The following PFKFB1 variants were observed in gnomAD, a reference collection of about 807,000 sequenced individuals.
The protein encoded by PFKFB1 is 6-phosphofructo-2-kinase/fructose-2,6-bisphosphatase 1.
In PFKFB1, 34 loss-of-function variants were observed where a neutral mutation model predicts 46.4. That is an observed-to-expected ratio of 0.73 (90% confidence interval 0.56 to 0.98). The LOEUF is 0.98. Among genes scored for constraint, PFKFB1 ranks in the 50% least tolerant of loss-of-function variants. The pLI is 0.00. For missense variants in PFKFB1, 393 were observed against 376.3 expected (o/e 1.04, Z -0.37); for synonymous variants, 119 against 133.8 (o/e 0.89, Z 0.76).
intron 2 of PFKFB1, 119 bp downstream of exon 2, chrX:54,963,138 T>A: frequency 1.6e-6 from 1 of 635,817 alleles, no homozygotes. Flanking sequence ...GTAGTCCTAA[T>A]GCTGGTAATA....
chrX:54,976,785 A>C (rs1331020816), intron 1 of PFKFB1, among the ~76,000 whole-genome samples: 2 of 111,704 alleles, frequency 1.8e-5, no homozygotes, highest in East Asian at 5.6e-4. Flanking sequence ...TGGTACAATC[A>C]TAAACTAGAA....
At chrX:54,985,156 G>A (rs966598059) in intron 1 of PFKFB1, among the ~76,000 whole-genome samples, 1 of 110,950 alleles carries the variant, frequency 9.0e-6, no homozygotes, top group Non-Finnish European at 1.9e-5. Context: ...AGCAACATAG[G>A]CCAGCTTGTT....
upstream of PFKFB1, chrX:54,994,833 T>A: frequency 1.3e-6 from 1 of 753,336 alleles, no homozygotes; most frequent in Non-Finnish European, 1.6e-6. Flanking sequence ...GCTAAATAAA[T>A]AGGAGTAAAC....
At chrX:54,949,488 T>C (rs1403988908) in intron 8 of PFKFB1, among the ~76,000 whole-genome samples, 3 of 109,771 alleles carry the variant, frequency 2.7e-5, no homozygotes. Context: ...CCGAAGCCCC[T>C]ACTTGGTTAT....
rs187452524 is a variant in PFKFB1, at chrX:54,969,168, C to G, written c.98-5786G>C. Among the ~76,000 whole-genome samples the G allele has an allele frequency of 5.4e-5, 6 of 111,236 alleles. No homozygotes were observed. The East Asian group carries it at 1.7e-3, about 32-fold the overall frequency. The stretch of plus-strand genomic sequence containing the variant: ...ATGTGTTGGAACTTAATCTCCAATG[C>G]AACAGTATTGAGAGGTGGGACCTTT... On this transcript the variant is annotated intron_variant, in intron 1 of 13. Coordinates refer to ENST00000375006, the MANE Select transcript of PFKFB1 (RefSeq NM_002625.4).
intron 1 of PFKFB1, among the ~76,000 whole-genome samples, chrX:54,965,090 G>A (rs1569547009): frequency 8.9e-6 from 1 of 111,807 alleles, no homozygotes; most frequent in East Asian, 2.8e-4. Flanking sequence ...TAGAACACAA[G>A]AAGGGGAAGA....
At chrX:54,937,938 G>C (rs1249297099) in intron 10 of PFKFB1, among the ~76,000 whole-genome samples, 1 of 111,939 alleles carries the variant, frequency 8.9e-6, no homozygotes, top group Non-Finnish European at 1.9e-5. Flanking sequence ...CCAAATAAAT[G>C]TATCAATACA....
chrX:54,945,698 A>G (rs1037890101), intron 9 of PFKFB1, among the ~76,000 whole-genome samples, 155 bp from the exon 10 acceptor site: 54 of 104,154 alleles, frequency 5.2e-4, no homozygotes, highest in African/African-American at 1.9e-3. Flanking sequence ...ATAAGTGTGT[A>G]TGCGTGTGTG....
At chrX:54,958,423 T>C (rs1348304054) in intron 5 of PFKFB1, 61 bp from the exon 6 acceptor site, 22 of 705,856 alleles carry the variant, frequency 3.1e-5, no homozygotes, top group Non-Finnish European at 4.3e-5. Flanking sequence ...GAGCTGAACA[T>C]AGCTTTACTC....
At chrX:54,973,748 C>G (rs1934754248) in intron 1 of PFKFB1, among the ~76,000 whole-genome samples, 1 of 110,929 alleles carries the variant, frequency 9.0e-6, no homozygotes, top group Non-Finnish European at 1.9e-5. Context: ...CCGAGGACAG[C>G]TTTACTTCCA....
rs756283124 is a variant in PFKFB1 at position 54,945,421 on chromosome X, C to A, written c.1098+18G>T. ...CTGGGGAGTAGTCCTAGGCATTAGG[C>A]CACCCCGCAAACCTTACCTCTCCCT... On this transcript the variant is annotated intron_variant, in intron 10 of 13. Coordinates refer to ENST00000375006, the MANE Select transcript of PFKFB1 (RefSeq NM_002625.4). 2.9e-6 allele frequency: 3 copies of A among 1,031,802 alleles called. No individual in the cohort carries two copies. Among genetic ancestry groups the A allele is most frequent in the Non-Finnish European group, 1.4e-6 (1 of 738,622 alleles). The allele number at this position is 1,031,802 out of a possible 1,213,427, so 85.0% of individuals were successfully genotyped here.
chrX:54,994,270 G>A (rs973689997), upstream of PFKFB1: 3 of 754,147 alleles, frequency 4.0e-6, no homozygotes, highest in Non-Finnish European at 3.1e-6. Context: ...GGTCAGGAGA[G>A]GCCTCTGAAC....
chrX:54,964,416 A>AT (rs11396019), intron 1 of PFKFB1, among the ~76,000 whole-genome samples: 5,197 of 112,234 alleles, frequency 0.046, 316 homozygotes, highest in African/African-American at 0.16. Flanking sequence ...CAAAGGGCGA[A>AT]CAAAGCAAGG....
At chrX:54,934,892 G>A in intron 12 of PFKFB1, 55 bp downstream of exon 12, 5 of 995,574 alleles carry the variant, frequency 5.0e-6, no homozygotes, top group Non-Finnish European at 5.7e-6. Flanking sequence ...TAGGCACTAG[G>A]GCCATGCTCA....
chrX:54,953,915 C>T (rs1399923518), intron 7 of PFKFB1, among the ~76,000 whole-genome samples: 1 of 111,550 alleles, frequency 9.0e-6, no homozygotes, highest in Non-Finnish European at 1.9e-5. Flanking sequence ...TCTCTTTGCC[C>T]GATTTCCAAA....
intron 1 of PFKFB1, among the ~76,000 whole-genome samples, chrX:54,990,962 T>C (rs1031515802): frequency 2.7e-5 from 3 of 112,161 alleles, no homozygotes; most frequent in African/African-American, 9.7e-5. Flanking sequence ...TTAAATGATA[T>C]CTACCAAAAA....
chrX:54,973,165 T>G (rs980870848), intron 1 of PFKFB1, among the ~76,000 whole-genome samples: 1 of 111,754 alleles, frequency 8.9e-6, no homozygotes, highest in East Asian at 2.8e-4. Flanking sequence ...TAGTTTGTAT[T>G]TCTGTGGGAT....
chrX:54,945,614 C>T, intron 9 of PFKFB1, 71 bp from the exon 10 acceptor site: 9 of 684,838 alleles, frequency 1.3e-5, no homozygotes, highest in South Asian at 1.1e-4. Context: ...CATAATTCTT[C>T]GATGATTGTG....
In PFKFB1 at chrX:54,954,599, G is replaced by A. The variant is rs73499019; in HGVS notation, c.638+1554C>T. Reference sequence around the variant, plus strand: ...AGCCCTTATCTTGCTGGTAACCTCAGTGTAGTCTGCCTATTGGGTAATCCA... The same window carrying A: ...AGCCCTTATCTTGCTGGTAACCTCAATGTAGTCTGCCTATTGGGTAATCCA... On this transcript the variant is annotated intron_variant, in intron 7 of 13. Transcript: ENST00000375006. Among the ~76,000 whole-genome samples the A allele has an allele frequency of 3.1e-3, 345 of 112,044 alleles. 1 individual carries two copies. Among genetic ancestry groups the A allele is most frequent in the African/African-American group, 0.011 (329 of 30,844 alleles).
Sources: gnomAD v4.1 joint callset for allele counts (sites outside exome capture counted in the v4.1 genomes callset) on GRCh38, gnomAD v4.1.1 for gene constraint, MANE v1.5 for transcripts, NCBI Gene and HGNC (gene_info 2026-07-23, HGNC 2026-07-21) for gene names.